TANGO6: variants seen among roughly 807,000 people sequenced by gnomAD.
The protein encoded by TANGO6 is transport and Golgi organization protein 6 homolog.
TANGO6 carries 90 observed loss-of-function variants against 114.2 expected under a neutral mutation model. That is an observed-to-expected ratio of 0.79 (90% CI 0.66 to 0.94). The LOEUF (loss-of-function observed/expected upper bound fraction) is 0.94, where lower values mean the gene tolerates loss of function less well. Ranked by LOEUF, TANGO6 falls within the 40% of genes least tolerant of loss-of-function variation. TANGO6 has a pLI of 0.00. For synonymous variants in TANGO6, 477 were observed against 509.8 expected, an observed-to-expected ratio of 0.94 and a Z score of 0.87; for missense variants, 1,274 against 1,315.3, an observed-to-expected ratio of 0.97 and a Z score of 0.49.
chr16:68,843,761 G>T (rs748707611), intron 1 of TANGO6, 50 bp downstream of exon 1: 5 of 1,584,762 alleles, frequency 3.2e-6, no homozygotes, highest in African/African-American at 2.7e-5. Flanking sequence ...TCTCAGGGCC[G>T]CCCGGCTTCC....
chr16:68,905,101 A>G lies in TANGO6; in HGVS notation c.1668-2342A>G, dbSNP rs1424501369. The stretch of plus-strand genomic sequence containing the variant: ...GCCGGGCGTGGTGGCATGGTGGCGC[A>G]TGCCTGTATTCCCAGCTACTTGGGA... On this transcript the variant is annotated intron_variant, in intron 9 of 17. Coordinates refer to ENST00000261778, the MANE Select transcript of TANGO6 (RefSeq NM_024562.2). 2.0e-5 allele frequency among the ~76,000 whole-genome samples: 3 copies of G among 152,190 alleles called. No homozygotes were observed. The East Asian group carries it at 5.8e-4, about 29-fold the overall frequency.
intron 16 of TANGO6, among the ~76,000 whole-genome samples, chr16:69,027,212 A>G (rs1324891001): frequency 1.3e-5 from 2 of 152,200 alleles, no homozygotes; most frequent in Admixed American, 1.3e-4. Flanking sequence ...ATCAATAAGC[A>G]GAGAAGCACA....
chr16:68,931,983 T>TA (rs1280856708), intron 14 of TANGO6, among the ~76,000 whole-genome samples: 1 of 151,858 alleles, frequency 6.6e-6, no homozygotes, highest in African/African-American at 2.4e-5. Context: ...GCCTCCTGAG[T>TA]ACAGGCATCA....
In TANGO6 at chr16:68,843,708, G is replaced by A. The variant is rs751548605; in HGVS notation, c.91G>A (p.Gly31Arg). The A allele has an allele frequency of 6.2e-7, 1 of 1,613,562 alleles. No homozygotes were observed. Among genetic ancestry groups the A allele is most frequent in the Admixed American group, 1.7e-5 (1 of 60,020 alleles). ...GGCATTGAAGCTGCTGCTGAGCCCG[G>A]GAGGTGAGAGGACGCATCTCCGCGC... ...LEALKLLLSPGGSGSSSLQVT... is the reference protein window; with the variant it reads ...LEALKLLLSPRGSGSSSLQVT... Residue 31 changes from glycine (G) to arginine (R), a missense_variant, in exon 1 of 18, where the codon GGA becomes AGA. Gly to Arg is a moderately radical substitution (Grantham distance 125). Coordinates refer to ENST00000261778, the MANE Select transcript of TANGO6 (RefSeq NM_024562.2).
At chr16:68,995,761 G>A (rs1238773013) in intron 15 of TANGO6, among the ~76,000 whole-genome samples, 1 of 152,102 alleles carries the variant, frequency 6.6e-6, no homozygotes. Flanking sequence ...CATGCCTTAC[G>A]AAGTTAAACA....
intron 2 of TANGO6, 22 bp from the exon 3 acceptor site, chr16:68,862,923 G>A (rs770491685): frequency 6.6e-7 from 1 of 1,513,468 alleles, no homozygotes; most frequent in Non-Finnish European, 9.0e-7. Context: ...TTCCACTAAA[G>A]CCAAGTGCAT....
At chr16:68,869,245 A>G (rs1027345968) in intron 4 of TANGO6, among the ~76,000 whole-genome samples, 4 of 152,214 alleles carry the variant, frequency 2.6e-5, no homozygotes, top group African/African-American at 9.6e-5. Context: ...ACACTTTGGG[A>G]GGCCAAGGCA....
At chr16:68,957,451 G>T (rs1272206354) in intron 14 of TANGO6, among the ~76,000 whole-genome samples, 1 of 147,604 alleles carries the variant, frequency 6.8e-6, no homozygotes, top group African/African-American at 2.5e-5. Flanking sequence ...AGCCTGGAGT[G>T]CAGTGGTGCG....
intron 15 of TANGO6, among the ~76,000 whole-genome samples, chr16:68,982,549 C>T (rs1044780835): frequency 1.3e-5 from 2 of 151,544 alleles, no homozygotes; most frequent in Admixed American, 6.6e-5. Context: ...AGGCTGGTCT[C>T]GAACTCCTCA....
At position 68,907,510 on chromosome 16, in the gene TANGO6, G is replaced by A. The variant is rs61751928; in HGVS notation, c.1735G>A (p.Gly579Arg). 1.2e-4 allele frequency: 193 copies of A among 1,613,538 alleles called. No homozygotes were observed. The highest frequency in any genetic ancestry group is 1.5e-4 in the Non-Finnish European group (180 of 1,179,816). The change falls in exon 10 of 18, where the codon GGG becomes AGG. Residue 579 changes from glycine to arginine, a missense_variant. Physicochemically the swap from Gly to Arg is moderately radical, Grantham distance 125. This residue lies in a region of TANGO6 where 908 missense variants were observed against 910.2 expected (regional missense o/e 1.00). Transcript: ENST00000261778. Reference protein sequence around the residue: ...SSEQGRVEHLGDLLSHCQECG... With the variant: ...SSEQGRVEHLRDLLSHCQECG... ...TGAGCAGGGCCGGGTGGAGCATCTC[G>A]GGGACTTGCTGTCCCACTGCCAGGA...
chr16:69,020,900 A>ATGTGTGTGTG (rs764050755), intron 15 of TANGO6, among the ~76,000 whole-genome samples: 92 of 126,478 alleles, frequency 7.3e-4, no homozygotes, highest in African/African-American at 3.2e-3. Context: ...TTATATATGT[A>ATGTGTGTGTG]TGTATGTGTG....
At chr16:69,043,732 T>G (rs1348575554) in intron 17 of TANGO6, among the ~76,000 whole-genome samples, 3 of 152,218 alleles carry the variant, frequency 2.0e-5, no homozygotes, top group Non-Finnish European at 4.4e-5. Context: ...TTTATGGCTC[T>G]GTTTTGCCCC....
chr16:68,921,747 G>A (rs1418029570), intron 12 of TANGO6, among the ~76,000 whole-genome samples: 5 of 150,982 alleles, frequency 3.3e-5, no homozygotes, highest in Non-Finnish European at 7.4e-5. Flanking sequence ...GTGCACATTA[G>A]TTGTGTTCTA....
Position 68,878,995 on chromosome 16 carries a change from G to C in TANGO6, c.1294+715G>C, listed in dbSNP as rs185072307. 2.9e-4 allele frequency among the ~76,000 whole-genome samples: 44 copies of C among 152,184 alleles called. No individual in the cohort carries two copies. The East Asian group carries it at 8.1e-3, about 28-fold the overall frequency. ...GGAGGCTGATGTGGGAGGATCGCTT[G>C]AGCCTGGGAGGTTGAGGCTGCAGTG... On this transcript the variant is annotated intron_variant, in intron 6 of 17. Coordinates refer to ENST00000261778, the MANE Select transcript of TANGO6 (RefSeq NM_024562.2).
At chr16:69,047,245 CTTTG>C (rs1310661396) in intron 17 of TANGO6, among the ~76,000 whole-genome samples, 5 of 151,352 alleles carry the variant, frequency 3.3e-5, no homozygotes, top group Non-Finnish European at 7.4e-5. Context: ...AATCCCAGCA[CTTTG>C]TTTGGGAGGC....
chr16:68,922,939 G>GGTT lies in TANGO6; in HGVS notation c.2127+3720_2127+3721insGTT, dbSNP rs1555523768. Among the ~76,000 whole-genome samples the GGTT allele has an allele frequency of 4.9e-4, 39 of 79,052 alleles. 1 individual carries two copies. The highest frequency in any genetic ancestry group is 2.0e-3 in the African/African-American group (37 of 18,958). 51.9% of individuals were successfully genotyped at this position (79,052 alleles called of 152,430 possible). A position where few individuals can be genotyped will look rare whatever the true frequency, so the allele number is the denominator to read the frequency against. ...TCTTACTCTACACTGCTTAGGTCAT[G>GGTT]TTTTTTTTTTTTTTTTTTTTTTTTT... On this transcript the variant is annotated intron_variant, in intron 12 of 17. Coordinates refer to ENST00000261778, the MANE Select transcript of TANGO6 (RefSeq NM_024562.2).
intron 17 of TANGO6, among the ~76,000 whole-genome samples, chr16:69,050,404 C>T (rs1030349232): frequency 6.6e-6 from 1 of 151,904 alleles, no homozygotes; most frequent in Non-Finnish European, 1.5e-5. Context: ...TGGTGTGGCA[C>T]GATCATGGCT....
At chr16:68,928,943 G>C (rs1485297385) in intron 13 of TANGO6, among the ~76,000 whole-genome samples, 2 of 152,076 alleles carry the variant, frequency 1.3e-5, no homozygotes, top group East Asian at 3.9e-4. Flanking sequence ...TTTTGAGACA[G>C]GGTCTCGCTC....
intron 17 of TANGO6, among the ~76,000 whole-genome samples, chr16:69,041,052 A>G (rs1429756712): frequency 2.0e-5 from 3 of 152,100 alleles, no homozygotes; most frequent in Non-Finnish European, 4.4e-5. Flanking sequence ...TTGACTTCCT[A>G]TGGAAAATTT....
Sources: gnomAD v4.1 joint callset for allele counts (sites outside exome capture counted in the v4.1 genomes callset) on GRCh38, gnomAD v4.1.1 for gene constraint, gnomAD v4.1.1 regional missense constraint, MANE v1.5 for transcripts, NCBI Gene and HGNC (gene_info 2026-07-23, HGNC 2026-07-21) for gene names.